Variants in CCDC3 observed in about 807,000 individuals in gnomAD.
The protein encoded by CCDC3 is coiled-coil domain containing 3.
CCDC3 carries 24 observed loss-of-function variants against 21.4 expected under a neutral mutation model. The observed-to-expected ratio is 1.12, with a 90% confidence interval of 0.81 to 1.58. CCDC3 has a LOEUF of 1.58. CCDC3 is among the 40% of genes most tolerant of loss of function. The probability of loss-of-function intolerance (pLI) is 0.00; values close to 1 mark genes in which losing one functional copy is unlikely to be tolerated. For missense variants in CCDC3, 425 were observed against 360.9 expected, an observed-to-expected ratio of 1.18 and a Z score of -1.44; for synonymous variants, 186 against 166.0, an observed-to-expected ratio of 1.12 and a Z score of -0.93.
At chr10:13,082,323 G>T (rs1837051610) in intron 3 of CCDC3, among the ~76,000 whole-genome samples, 1 of 152,244 alleles carries the variant, frequency 6.6e-6, no homozygotes, top group Non-Finnish European at 1.5e-5. Context: ...GACAGCCAAG[G>T]CGGAGAGAGA....
chr10:13,019,501 C>A (rs942715378), intron 5 of CCDC3, among the ~76,000 whole-genome samples: 2 of 151,972 alleles, frequency 1.3e-5, no homozygotes, highest in Admixed American at 6.6e-5. Flanking sequence ...TCTGTGTTCT[C>A]GTTGTAGAGG....
intron 5 of CCDC3, among the ~76,000 whole-genome samples, chr10:13,045,653 A>G: frequency 6.6e-6 from 1 of 152,240 alleles, no homozygotes; most frequent in South Asian, 2.1e-4. Context: ...TATACATAAC[A>G]TAAAAATTAG....
intron 5 of CCDC3, among the ~76,000 whole-genome samples, chr10:13,031,258 C>T (rs985610988): frequency 7.9e-5 from 12 of 152,064 alleles, no homozygotes; most frequent in African/African-American, 2.7e-4. Flanking sequence ...GGGTAAATAA[C>T]GAAATGAAGG....
intron 3 of CCDC3, among the ~76,000 whole-genome samples, chr10:13,074,300 G>GGC (rs1836930170): frequency 6.9e-6 from 1 of 145,900 alleles, no homozygotes; most frequent in Non-Finnish European, 1.5e-5. Flanking sequence ...TGGGATTACA[G>GGC]GCATGCACCA....
intron 2 of CCDC3, among the ~76,000 whole-genome samples, chr10:12,977,055 C>T (rs969760799): frequency 1.2e-4 from 19 of 152,188 alleles, no homozygotes; most frequent in African/African-American, 4.1e-4. Flanking sequence ...GGGCAGATCA[C>T]TTGAGGTCAG....
chr10:13,016,430 A>C (rs1836061254), intron 5 of CCDC3, among the ~76,000 whole-genome samples: 1 of 152,008 alleles, frequency 6.6e-6, no homozygotes. Context: ...GCAACTCAAA[A>C]ATAAAAGACA....
intron 2 of CCDC3, among the ~76,000 whole-genome samples, chr10:12,974,576 G>A (rs1434018937): frequency 6.6e-6 from 1 of 152,222 alleles, no homozygotes; most frequent in Non-Finnish European, 1.5e-5. Context: ...GGGGATGTGT[G>A]GGGTAGGTGC....
chr10:12,998,119 CT>C (rs1835789958), intron 2 of CCDC3, among the ~76,000 whole-genome samples: 2 of 152,130 alleles, frequency 1.3e-5, no homozygotes, highest in South Asian at 4.1e-4. Flanking sequence ...GGAAGAACTC[CT>C]TATCCAACAG....
intron 3 of CCDC3, among the ~76,000 whole-genome samples, chr10:13,086,424 T>C (rs1168485949): frequency 6.6e-6 from 1 of 152,102 alleles, no homozygotes; most frequent in East Asian, 1.9e-4. Flanking sequence ...ATTTTGGGAG[T>C]TATGAATAAA....
chr10:13,089,768 G>C (rs1438378143), intron 3 of CCDC3, among the ~76,000 whole-genome samples: 3 of 151,804 alleles, frequency 2.0e-5, no homozygotes, highest in Non-Finnish European at 4.4e-5. Flanking sequence ...GTGAGATTTT[G>C]GTGCTCCCAT....
At chr10:13,010,941 C>A (rs932157587) in intron 5 of CCDC3, among the ~76,000 whole-genome samples, 1 of 152,072 alleles carries the variant, frequency 6.6e-6, no homozygotes, top group Non-Finnish European at 1.5e-5. Context: ...CAGCACTTTG[C>A]GAGGCCGAGG....
chr10:12,973,758 G>A (rs1380365664), intron 2 of CCDC3, among the ~76,000 whole-genome samples: 3 of 151,508 alleles, frequency 2.0e-5, no homozygotes, highest in Admixed American at 6.6e-5. Flanking sequence ...ATAACTCCAC[G>A]GCCTTACTTG....
chr10:13,055,737 T>C (rs1347979), intron 4 of CCDC3, among the ~76,000 whole-genome samples: 36,501 of 152,194 alleles, frequency 0.24, 4,516 homozygotes, highest in Admixed American at 0.27. Flanking sequence ...AAGGATTTAA[T>C]TCATTCCAAA....
At chr10:13,030,831 C>T (rs967522459) in intron 5 of CCDC3, among the ~76,000 whole-genome samples, 4 of 152,084 alleles carry the variant, frequency 2.6e-5, no homozygotes, top group Non-Finnish European at 5.9e-5. Flanking sequence ...ACAGGAGCAC[C>T]CAGATTCATA....
At chr10:12,906,481 C>A (rs1387107500) in intron 2 of CCDC3, among the ~76,000 whole-genome samples, 1 of 152,180 alleles carries the variant, frequency 6.6e-6, no homozygotes, top group Non-Finnish European at 1.5e-5. Context: ...TCTCCTGCGT[C>A]CGCTTCCTGA....
intron 5 of CCDC3, among the ~76,000 whole-genome samples, chr10:13,021,759 T>TTTTG (rs752979650): frequency 6.6e-6 from 1 of 152,130 alleles, no homozygotes; most frequent in African/African-American, 2.4e-5. Context: ...TTTTTTGTTT[T>TTTTG]TTTGTTTGTT....
At chr10:13,043,126 A>G (rs1375513114) in intron 5 of CCDC3, among the ~76,000 whole-genome samples, 8 of 152,068 alleles carry the variant, frequency 5.3e-5, no homozygotes, top group African/African-American at 1.9e-4. Context: ...ATATGGGTAT[A>G]TTTGTGTGAC....
chr10:13,029,418 G>A (rs776805609), intron 5 of CCDC3, among the ~76,000 whole-genome samples: 6 of 152,078 alleles, frequency 3.9e-5, no homozygotes, highest in Non-Finnish European at 7.4e-5. Context: ...TCTAAAAACC[G>A]GAACGCCTCT....
At chr10:12,939,622 GCGGA>G in intron 2 of CCDC3, among the ~76,000 whole-genome samples, 1 of 4,882 alleles carries the variant, frequency 2.0e-4, no homozygotes, top group Admixed American at 2.8e-3. Flanking sequence ...GATGGTAGGA[GCGGA>G]TCAATTCTGT....
Sources: allele counts gnomAD v4.1 joint callset (sites outside exome capture counted in the v4.1 genomes callset), GRCh38; gene constraint gnomAD v4.1.1; transcripts MANE v1.5; gene names NCBI Gene and HGNC (gene_info 2026-07-23, HGNC 2026-07-21).